XKR6: variants seen among roughly 807,000 people sequenced by gnomAD.
XKR6 encodes the protein XK-related protein 6.
In XKR6, 22 loss-of-function variants were observed where a neutral mutation model predicts 56.7. The ratio of observed to expected loss-of-function variants is 0.39; its 90% CI spans 0.28 to 0.55. The LOEUF is 0.55. Among genes scored for constraint, XKR6 ranks in the 20% least tolerant of loss-of-function variants. The probability of loss-of-function intolerance (pLI) is 0.66; values close to 1 mark genes in which losing one functional copy is unlikely to be tolerated. For missense variants in XKR6, 852 were observed against 889.0 expected, an observed-to-expected ratio of 0.96 and a Z score of 0.53; for synonymous variants, 524 against 387.8, an observed-to-expected ratio of 1.35 and a Z score of -4.13.
chr8:10,930,945 A>G (rs1033040567), intron 1 of XKR6, among the ~76,000 whole-genome samples: 1 of 152,232 alleles, frequency 6.6e-6, no homozygotes, highest in African/African-American at 2.4e-5. Flanking sequence ...AGTCAAGAAA[A>G]ATAAATACAG....
Position 11,061,992 on chromosome 8 carries a change from G to A in XKR6, c.765-137162C>T, listed in dbSNP as rs1360072832. The stretch of plus-strand genomic sequence containing the variant: ...AAGAGAAGGCAAGAATTCTAACAGG[G>A]TGAAACCAGGACAGTGACTGGCTCA... On this transcript the variant is annotated intron_variant, in intron 1 of 2. Transcript: ENST00000416569. Among the ~76,000 whole-genome samples, 4 of 152,218 alleles carry A rather than the reference G, an allele frequency of 2.6e-5. No homozygotes were observed. The South Asian group carries it at 6.2e-4, about 24-fold the overall frequency.
chr8:11,149,536 A>G (rs1477793197), intron 1 of XKR6, among the ~76,000 whole-genome samples: 6 of 152,198 alleles, frequency 3.9e-5, no homozygotes, highest in Non-Finnish European at 7.3e-5. Context: ...ATCATACTGC[A>G]TCATACTTTT....
chr8:11,182,616 G>A (rs947933385), intron 1 of XKR6, among the ~76,000 whole-genome samples: 11 of 152,214 alleles, frequency 7.2e-5, no homozygotes, highest in Non-Finnish European at 1.5e-5. Context: ...AAGTGAGGAA[G>A]AGAAAAAGAT....
At chr8:11,015,700 G>T (rs1267932007) in intron 1 of XKR6, among the ~76,000 whole-genome samples, 1 of 152,186 alleles carries the variant, frequency 6.6e-6, no homozygotes, top group African/African-American at 2.4e-5. Context: ...GAACCAGAAG[G>T]AGCGAGGGAG....
At chr8:11,131,907 A>G (rs1313624993) in intron 1 of XKR6, among the ~76,000 whole-genome samples, 1 of 152,178 alleles carries the variant, frequency 6.6e-6, no homozygotes, top group African/African-American at 2.4e-5. Context: ...AGGTTTGTGT[A>G]TGTCAGTCCA....
In XKR6 at chr8:10,924,638, C is replaced by T. The variant is rs371593422; in HGVS notation, c.957G>A (p.Leu319=). 3.1e-6 allele frequency: 5 copies of T among 1,600,456 alleles called. No homozygotes were observed. The highest frequency in any genetic ancestry group is 2.2e-5 in the South Asian group (2 of 90,660). The change falls in exon 2 of 3, where the codon CTG becomes CTA. Residue 319 remains leucine (L), a synonymous_variant. Transcript: ENST00000416569. Reference sequence around the variant, plus strand: ...GCGCGGCCGGCGGGCACTCACAGGGCAGGGTCTCGGCGCTGTTCTTCTGGA... The same window carrying T: ...GCGCGGCCGGCGGGCACTCACAGGGTAGGGTCTCGGCGCTGTTCTTCTGGA... ...IMLQKNSAET[L]PCVSSVTSLM...
chr8:10,943,390 T>C (rs1801443244), intron 1 of XKR6, among the ~76,000 whole-genome samples: 1 of 152,128 alleles, frequency 6.6e-6, no homozygotes, highest in African/African-American at 2.4e-5. Flanking sequence ...CAGTCTCCCA[T>C]GGTTGACTCC....
chr8:11,170,963 C>G (rs1178619878), intron 1 of XKR6, among the ~76,000 whole-genome samples: 4 of 152,232 alleles, frequency 2.6e-5, no homozygotes, highest in Non-Finnish European at 5.9e-5. Flanking sequence ...TATCACCCTT[C>G]ACAAATGACT....
At chr8:10,985,657 CA>C (rs903700828) in intron 1 of XKR6, among the ~76,000 whole-genome samples, 39 of 147,928 alleles carry the variant, frequency 2.6e-4, no homozygotes, top group South Asian at 1.3e-3. Flanking sequence ...AACAAACAAA[CA>C]AAAAAACCTC....
At chr8:11,027,054 C>G (rs760501319) in intron 1 of XKR6, among the ~76,000 whole-genome samples, 1 of 152,160 alleles carries the variant, frequency 6.6e-6, no homozygotes, top group Non-Finnish European at 1.5e-5. Context: ...CTCTGGCCTA[C>G]TACACACGTA....
At chr8:11,143,656 C>A (rs1457216445) in intron 1 of XKR6, among the ~76,000 whole-genome samples, 1 of 152,122 alleles carries the variant, frequency 6.6e-6, no homozygotes, top group Admixed American at 6.5e-5. Context: ...CTAGGAAAAT[C>A]AGAAGAGTGG....
At chr8:11,050,067 G>C (rs1275557381) in intron 1 of XKR6, among the ~76,000 whole-genome samples, 2 of 152,216 alleles carry the variant, frequency 1.3e-5, no homozygotes, top group African/African-American at 4.8e-5. Context: ...TCCAGTCCTC[G>C]GGGTTTTCAC....
intron 1 of XKR6, chr8:11,195,350 C>A: frequency 1.7e-6 from 1 of 592,130 alleles, no homozygotes; most frequent in Non-Finnish European, 3.0e-6. Flanking sequence ...AATGGATAGT[C>A]AACTGCTAAT....
intron 1 of XKR6, among the ~76,000 whole-genome samples, chr8:11,039,898 T>C (rs1325674285): frequency 1.3e-5 from 2 of 152,240 alleles, no homozygotes; most frequent in Non-Finnish European, 2.9e-5. Flanking sequence ...ATCAGCCCGT[T>C]AGCGGAACAA....
chr8:11,160,017 A>C (rs1445259442), intron 1 of XKR6, among the ~76,000 whole-genome samples: 1 of 152,196 alleles, frequency 6.6e-6, no homozygotes. Flanking sequence ...GGAGCTGCTG[A>C]TATGTGAGAT....
At chr8:11,108,390 C>G (rs1313957785) in intron 1 of XKR6, 4 of 447,556 alleles carry the variant, frequency 8.9e-6, no homozygotes, top group Admixed American at 4.9e-5. Flanking sequence ...AATCTGATAC[C>G]CCAAGACATA....
chr8:11,077,247 T>C (rs1214631551), intron 1 of XKR6, among the ~76,000 whole-genome samples: 2 of 152,090 alleles, frequency 1.3e-5, no homozygotes, highest in Non-Finnish European at 2.9e-5. Context: ...TGCAGTGGCT[T>C]TGGGGTCCAA....
At chr8:10,938,536 C>A (rs1012048133) in intron 1 of XKR6, among the ~76,000 whole-genome samples, 2 of 152,260 alleles carry the variant, frequency 1.3e-5, no homozygotes, top group Non-Finnish European at 2.9e-5. Flanking sequence ...GAACAAACCA[C>A]TGACACACAC....
chr8:10,910,424 G>A (rs1800318105), intron 2 of XKR6, among the ~76,000 whole-genome samples: 1 of 152,178 alleles, frequency 6.6e-6, no homozygotes, highest in Admixed American at 6.5e-5. Flanking sequence ...CATGAGGACT[G>A]CATCTCTCCA....
Sources: gnomAD v4.1 joint callset for allele counts (sites outside exome capture counted in the v4.1 genomes callset) on GRCh38, gnomAD v4.1.1 for gene constraint, MANE v1.5 for transcripts, NCBI Gene and HGNC (gene_info 2026-07-23, HGNC 2026-07-21) for gene names.